Variants in NPRL3 observed in about 807,000 individuals in gnomAD.
The protein encoded by NPRL3 is NPR3 like, GATOR1 complex subunit.
Under a neutral mutation model 57.2 loss-of-function variants are expected in NPRL3, and 23 were observed. The observed-to-expected ratio is 0.40, with a 90% CI of 0.29 to 0.57. NPRL3 has a LOEUF of 0.57. Ranked by LOEUF, NPRL3 falls within the 20% of genes least tolerant of loss-of-function variation. The pLI is 0.42. For synonymous variants in NPRL3, 333 were observed against 321.1 expected (o/e 1.04, Z -0.39); for missense variants, 691 against 767.1 (o/e 0.90, Z 1.17).
intron 3 of NPRL3, among the ~76,000 whole-genome samples, chr16:119,666 C>T (rs1180656390): frequency 6.6e-6 from 1 of 152,264 alleles, no homozygotes; most frequent in East Asian, 1.9e-4. Flanking sequence ...CTTCAACTCC[C>T]AGGACCCAGG....
At chr16:122,026 C>T (rs13336077) in intron 3 of NPRL3, among the ~76,000 whole-genome samples, 9,672 of 151,970 alleles carry the variant, frequency 0.064, 503 homozygotes, top group African/African-American at 0.15. Flanking sequence ...CCGCCCGCCT[C>T]GGCCTCCCAA....
At chr16:116,836 G>A (rs563294157) in intron 5 of NPRL3, among the ~76,000 whole-genome samples, 5 of 149,074 alleles carry the variant, frequency 3.4e-5, no homozygotes, top group Non-Finnish European at 5.9e-5. Flanking sequence ...TTAGCTGGGC[G>A]TGGTGGCGCA....
intron 7 of NPRL3, among the ~76,000 whole-genome samples, chr16:109,703 G>A (rs895403930): frequency 1.3e-5 from 2 of 152,068 alleles, no homozygotes; most frequent in African/African-American, 2.4e-5. Context: ...AGCAACACAC[G>A]AGATGCCTCT....
At position 98,155 on chromosome 16, in the gene NPRL3, G is replaced by T; in HGVS notation, c.914C>A (p.Ala305Asp). The T allele has an allele frequency of 6.2e-7, 1 of 1,613,678 alleles. No individual in the cohort carries two copies. The highest frequency in any genetic ancestry group is 1.3e-5 in the African/African-American group (1 of 75,056). Residue 305 changes from alanine to aspartate, a missense_variant, in exon 9 of 14, where the codon GCC becomes GAC. Physicochemically the swap from Ala to Asp is moderately radical, Grantham distance 126. Transcript: ENST00000611875. ...CCTCCAGAGCTATACCTGCAGCAAG[G>T]CCAGGTCCGCATCTTGGGCTAGCTG... ...LQQLAQDADL[A>D]LLQVFQLAAH...
At chr16:108,674 T>TTATTA (rs1899640745) in intron 7 of NPRL3, among the ~76,000 whole-genome samples, 2 of 150,110 alleles carry the variant, frequency 1.3e-5, no homozygotes, top group Middle Eastern at 3.4e-3. Flanking sequence ...TTTTTTAATT[T>TTATTA]TTATTATTAT....
intron 7 of NPRL3, among the ~76,000 whole-genome samples, chr16:101,220 G>A (rs2562171): frequency 3.5e-4 from 54 of 152,192 alleles, no homozygotes; most frequent in South Asian, 1.2e-3. Flanking sequence ...ATGAAGACCC[G>A]TCACAGGTGC....
chr16:95,130 T>C (rs974364732), intron 9 of NPRL3, among the ~76,000 whole-genome samples: 6 of 151,952 alleles, frequency 3.9e-5, no homozygotes, highest in African/African-American at 1.5e-4. Context: ...AGAGATTACA[T>C]TTAGAGCTCA....
At position 138,339 on chromosome 16, in the gene NPRL3, GGAGGA is replaced by G; in HGVS notation, c.-67-10_-67-6del. 1 of 1,169,354 alleles carries G rather than the reference GGAGGA, an allele frequency of 8.6e-7. No individual in the cohort carries two copies. The highest frequency in any genetic ancestry group is 1.2e-6 in the Non-Finnish European group (1 of 828,312). 72.4% of individuals were successfully genotyped at this position (1,169,354 alleles called of 1,614,324 possible). ...GGAGCCGGAGGCGGAGGGGGCCTGA[GGAGGA>G]CGGAGCCGGAGGCGGAGGGGGCCTG... is the stretch of plus-strand genomic sequence containing the variant. On this transcript the variant is annotated splice_polypyrimidine_tract_variant and splice_region_variant and intron_variant, in intron 1 of 13. Transcript: ENST00000611875.
At chr16:104,965 G>A (rs960350411) in intron 7 of NPRL3, among the ~76,000 whole-genome samples, 1 of 152,218 alleles carries the variant, frequency 6.6e-6, no homozygotes, top group African/African-American at 2.4e-5. Context: ...TAAGACAAGA[G>A]CCCTTAGCAC....
chr16:132,008 CTT>C (rs61664945), intron 2 of NPRL3, among the ~76,000 whole-genome samples: 16 of 144,902 alleles, frequency 1.1e-4, no homozygotes, highest in Non-Finnish European at 1.4e-4. Flanking sequence ...TTCTTTCTTT[CTT>C]TTTTTTTTTT....
chr16:131,346 G>T (rs1900782503), intron 2 of NPRL3, among the ~76,000 whole-genome samples: 1 of 149,220 alleles, frequency 6.7e-6, no homozygotes, highest in Admixed American at 6.6e-5. Flanking sequence ...GGGCGTGGTG[G>T]TGGGTGCCTG....
intron 9 of NPRL3, among the ~76,000 whole-genome samples, chr16:95,168 T>A (rs1049256482): frequency 2.6e-5 from 4 of 152,072 alleles, no homozygotes; most frequent in African/African-American, 7.2e-5. Context: ...TCTCAAGATC[T>A]TCTACTTAGT....
At chr16:121,175 T>C (rs1433998198) in intron 3 of NPRL3, among the ~76,000 whole-genome samples, 3 of 152,180 alleles carry the variant, frequency 2.0e-5, no homozygotes, top group Non-Finnish European at 4.4e-5. Flanking sequence ...AGATGGTCCC[T>C]GGGATTCTCA....
intron 6 of NPRL3, among the ~76,000 whole-genome samples, chr16:111,291 T>C (rs1359080121): frequency 2.6e-5 from 4 of 151,876 alleles, no homozygotes; most frequent in African/African-American, 9.7e-5. Context: ...TCCCAGCTAC[T>C]CGGGAGGCTG....
intron 8 of NPRL3, 131 bp downstream of exon 8, chr16:100,241 C>A (rs1899218285): frequency 2.1e-6 from 2 of 954,818 alleles, no homozygotes; most frequent in Middle Eastern, 3.5e-4. Context: ...ACGGCAGAGC[C>A]CCACCTGCAA....
At chr16:94,166 C>A (rs1898886738) in intron 9 of NPRL3, among the ~76,000 whole-genome samples, 1 of 152,122 alleles carries the variant, frequency 6.6e-6, no homozygotes, top group Non-Finnish European at 1.5e-5. Flanking sequence ...CCCCGACTCC[C>A]ACAGAGACCC....
At chr16:105,486 A>G (rs1408955625) in intron 7 of NPRL3, among the ~76,000 whole-genome samples, 1 of 126,738 alleles carries the variant, frequency 7.9e-6, no homozygotes, top group Non-Finnish European at 1.6e-5. Context: ...ATATAGGTGC[A>G]TTTTTATGGA....
chr16:86,576 A>G lies in NPRL3; in HGVS notation c.*129T>C, dbSNP rs1345568802. On this transcript the variant is annotated 3_prime_UTR_variant, in exon 14 of 14. Transcript: ENST00000611875. ...CTGCAGGCTTCACTGGGCCACGGCCAGCCCGCATCCACCCAATGCCAGGCC... is the reference window on the plus strand; with the variant it reads ...CTGCAGGCTTCACTGGGCCACGGCCGGCCCGCATCCACCCAATGCCAGGCC... 2.1e-6 allele frequency: 2 copies of G among 955,790 alleles called. No individual in the cohort carries two copies. The highest frequency in any genetic ancestry group is 3.3e-5 in the African/African-American group (2 of 60,640). 59.2% of individuals were successfully genotyped at this position (955,790 alleles called of 1,614,324 possible).
At chr16:93,184 C>A (rs368488812) in intron 10 of NPRL3, 35 bp downstream of exon 10, 15 of 1,395,774 alleles carry the variant, frequency 1.1e-5, no homozygotes, top group Non-Finnish European at 1.4e-5. Context: ...CCTTCCCACT[C>A]GGGGCTCCAG....
Sources: gnomAD v4.1 joint callset for allele counts (sites outside exome capture counted in the v4.1 genomes callset) on GRCh38, gnomAD v4.1.1 for gene constraint, MANE v1.5 for transcripts, NCBI Gene and HGNC (gene_info 2026-07-23, HGNC 2026-07-21) for gene names.